SPHKAP: variants seen among roughly 807,000 people sequenced by gnomAD.
SPHKAP encodes A-kinase anchor protein SPHKAP.
SPHKAP carries 67 observed loss-of-function variants against 137.5 expected under a neutral mutation model. The observed-to-expected ratio is 0.49, with a 90% CI of 0.40 to 0.60. The LOEUF (loss-of-function observed/expected upper bound fraction) is 0.60. SPHKAP is among the 20% of genes least tolerant of loss of function. SPHKAP has a pLI of 0.00. For synonymous variants in SPHKAP, 813 were observed against 785.3 expected, an observed-to-expected ratio of 1.04 and a Z score of -0.59; for missense variants, 2,097 against 2,069.3, an observed-to-expected ratio of 1.01 and a Z score of -0.26.
chr2:228,069,128 G>C (rs751448256), intron 3 of SPHKAP, among the ~76,000 whole-genome samples: 42 of 152,272 alleles, frequency 2.8e-4, no homozygotes, highest in African/African-American at 8.7e-4. Context: ...TTAGCTGGGT[G>C]TGGTGGCAGG....
At chr2:228,031,726 CAGCCACCGCTGTTCTGT>C (rs1212449150) in intron 3 of SPHKAP, among the ~76,000 whole-genome samples, 1 of 152,236 alleles carries the variant, frequency 6.6e-6, no homozygotes, top group African/African-American at 2.4e-5. Flanking sequence ...TGCTGTTCTA[CAGCCACCGCTGTTCTGT>C]AGCCACCGCT....
chr2:228,017,834 G>A lies in SPHKAP; in HGVS notation c.3020C>T (p.Thr1007Met), dbSNP rs752182241. The A allele has an allele frequency of 3.1e-5, 50 of 1,614,012 alleles. No homozygotes were observed. Among genetic ancestry groups the A allele is most frequent in the Non-Finnish European group, 3.8e-5 (45 of 1,179,972 alleles). ...TTCTTTAAGCTCAGGGTGCTCGTCC[G>A]TCTTCCTCTTGATCTCACTGAGCCG... ...PPRLSEIKRK[T>M]DEHPELKEKL... The change falls in exon 7 of 12, where the codon ACG becomes ATG. Residue 1007 changes from threonine to methionine, a missense_variant. Thr to Met is a moderately conservative substitution (Grantham distance 81). Coordinates refer to ENST00000392056, the MANE Select transcript of SPHKAP (RefSeq NM_001142644.2).
At chr2:228,023,022 G>C (rs1694899725) in intron 5 of SPHKAP, among the ~76,000 whole-genome samples, 1 of 152,150 alleles carries the variant, frequency 6.6e-6, no homozygotes, top group Admixed American at 6.5e-5. Context: ...CAGTGATAAA[G>C]AGGCCCAAAT....
intron 5 of SPHKAP, among the ~76,000 whole-genome samples, chr2:228,022,974 G>A (rs1464782325): frequency 6.6e-6 from 1 of 152,156 alleles, no homozygotes; most frequent in African/African-American, 2.4e-5. Flanking sequence ...CATAGGAAGT[G>A]AACTAATTAT....
chr2:228,012,274 CT>C (rs770964043), intron 7 of SPHKAP, among the ~76,000 whole-genome samples: 23 of 150,498 alleles, frequency 1.5e-4, no homozygotes, highest in Non-Finnish European at 2.7e-4. Context: ...ATTTGCTTGT[CT>C]TCCTTGCTTG....
At chr2:228,063,162 A>ATCTGTCTGTCTG (rs1346898468) in intron 3 of SPHKAP, among the ~76,000 whole-genome samples, 211 of 144,098 alleles carry the variant, frequency 1.5e-3, no homozygotes, top group African/African-American at 5.6e-3. Context: ...CTATCTATCT[A>ATCTGTCTGTCTG]TCTATCTATC....
At chr2:228,023,456 C>G (rs1013675177) in intron 5 of SPHKAP, among the ~76,000 whole-genome samples, 11 of 152,310 alleles carry the variant, frequency 7.2e-5, no homozygotes, top group Non-Finnish European at 1.3e-4. Context: ...CATGCATTAG[C>G]ATTTGAGACC....
intron 3 of SPHKAP, among the ~76,000 whole-genome samples, chr2:228,101,567 A>T (rs1469089189): frequency 1.3e-5 from 2 of 152,314 alleles, no homozygotes; most frequent in East Asian, 3.9e-4. Context: ...CACTGTGTGT[A>T]GGCACTCTTC....
intron 3 of SPHKAP, among the ~76,000 whole-genome samples, chr2:228,077,885 G>A (rs569992914): frequency 9.2e-5 from 14 of 152,138 alleles, no homozygotes; most frequent in Admixed American, 6.5e-5. Flanking sequence ...CAATTCCCAC[G>A]TGTTGTGGGA....
At chr2:228,003,402 C>T (rs189691700) in intron 7 of SPHKAP, among the ~76,000 whole-genome samples, 90 of 152,232 alleles carry the variant, frequency 5.9e-4, no homozygotes, top group African/African-American at 2.0e-3. Context: ...GTGATTTTTG[C>T]ACATTGATTT....
chr2:228,098,243 A>T (rs1698059893), intron 3 of SPHKAP, among the ~76,000 whole-genome samples: 1 of 152,060 alleles, frequency 6.6e-6, no homozygotes. Flanking sequence ...ACTGATGTTG[A>T]GCATTTTTTC....
chr2:228,113,916 C>T (rs1298533306), intron 2 of SPHKAP, among the ~76,000 whole-genome samples: 4 of 152,060 alleles, frequency 2.6e-5, no homozygotes, highest in Non-Finnish European at 5.9e-5. Flanking sequence ...AACCACTTAG[C>T]ATCATATATA....
At chr2:228,113,532 G>A (rs1698584129) in intron 2 of SPHKAP, among the ~76,000 whole-genome samples, 2 of 150,138 alleles carry the variant, frequency 1.3e-5, no homozygotes, top group South Asian at 4.2e-4. Context: ...CTCCACTAAG[G>A]CAGTGTTCCA....
Position 228,033,793 on chromosome 2 carries a change from G to T in SPHKAP, c.247-6250C>A, listed in dbSNP as rs530099288. ...CCTGAATGACTACTGGATACATAAC[G>T]AAATGAAGGCAGAAATAAAGATGTT... On this transcript the variant is annotated intron_variant, in intron 3 of 11. Transcript: ENST00000392056. Among the ~76,000 whole-genome samples the T allele has an allele frequency of 5.3e-5, 8 of 152,190 alleles. No homozygotes were observed. In the South Asian group the frequency reaches 1.2e-3, roughly 24 times the overall value.
chr2:228,043,684 C>T lies in SPHKAP; in HGVS notation c.247-16141G>A, dbSNP rs1188497756. 3.9e-5 allele frequency among the ~76,000 whole-genome samples: 6 copies of T among 152,248 alleles called. No individual in the cohort carries two copies. In the South Asian group the frequency reaches 1.0e-3, roughly 26 times the overall value. On this transcript the variant is annotated intron_variant, in intron 3 of 11. Transcript: ENST00000392056. The stretch of plus-strand genomic sequence containing the variant: ...AATCAAATAATTGACAAAAATCTTC[C>T]TCAGGTACAATGAGACAACCTAACT...
chr2:228,167,914 A>G (rs1159984840), intron 1 of SPHKAP, among the ~76,000 whole-genome samples: 2 of 152,154 alleles, frequency 1.3e-5, no homozygotes, highest in African/African-American at 2.4e-5. Context: ...AAAATACACT[A>G]AAGTATAAAA....
In SPHKAP at chr2:228,019,741, A is replaced by C. The variant is rs1694762256; in HGVS notation, c.1113T>G (p.His371Gln). The C allele has an allele frequency of 6.2e-7, 1 of 1,614,180 alleles. No homozygotes were observed. Among genetic ancestry groups the C allele is most frequent in the Non-Finnish European group, 8.5e-7 (1 of 1,180,026 alleles). Residue 371 changes from histidine to glutamine, a missense_variant, in exon 7 of 12, where the codon CAT (histidine) becomes CAG (glutamine). By Grantham distance (24) the His-to-Gln change is conservative. Coordinates refer to ENST00000392056, the MANE Select transcript of SPHKAP (RefSeq NM_001142644.2). ...EQRSNLNPGD[H>Q]EDTRNALPPR... ...GAGGGAGAGCGTTTCTTGTGTCTTC[A>C]TGGTCTCCTGGGTTTAGGTTGCTTC...
intron 7 of SPHKAP, among the ~76,000 whole-genome samples, chr2:228,014,209 C>T (rs1292002458): frequency 6.6e-6 from 1 of 152,148 alleles, no homozygotes; most frequent in Non-Finnish European, 1.5e-5. Flanking sequence ...TAACTAGCCA[C>T]TCTTTGGTTA....
At chr2:228,046,095 TAC>T (rs1696038919) in intron 3 of SPHKAP, among the ~76,000 whole-genome samples, 1 of 151,888 alleles carries the variant, frequency 6.6e-6, no homozygotes, top group Non-Finnish European at 1.5e-5. Flanking sequence ...CACACACACA[TAC>T]GGTAATTATG....
Sources: gnomAD v4.1 joint callset for allele counts (sites outside exome capture counted in the v4.1 genomes callset) on GRCh38, gnomAD v4.1.1 for gene constraint, MANE v1.5 for transcripts, NCBI Gene and HGNC (gene_info 2026-07-23, HGNC 2026-07-21) for gene names.